Variants in PALD1 observed in about 807,000 individuals in gnomAD.
PALD1 encodes phosphatase domain containing paladin 1.
Under a neutral mutation model 96.0 loss-of-function variants are expected in PALD1, and 57 were observed. That is an observed-to-expected ratio of 0.59 (90% CI 0.48 to 0.74). PALD1 has a LOEUF of 0.74. Ranked by LOEUF, PALD1 falls within the 30% of genes least tolerant of loss-of-function variation. The pLI, the probability that PALD1 is intolerant of heterozygous loss-of-function variation, is 0.00. For synonymous variants in PALD1, 464 were observed against 473.6 expected, an observed-to-expected ratio of 0.98 and a Z score of 0.26; for missense variants, 1,063 against 1,143.7, an observed-to-expected ratio of 0.93 and a Z score of 1.02.
At chr10:70,547,269 A>C (rs1247283934) in intron 17 of PALD1, 37 bp from the exon 18 acceptor site, 4 of 1,606,644 alleles carry the variant, frequency 2.5e-6, no homozygotes, top group South Asian at 2.2e-5. Context: ...GGCTCTTACC[A>C]GTTTTATGTC....
intron 19 of PALD1, among the ~76,000 whole-genome samples, chr10:70,565,180 A>G (rs1295728487): frequency 6.6e-6 from 1 of 152,124 alleles, no homozygotes; most frequent in Non-Finnish European, 1.5e-5. Context: ...GAGCACAGAG[A>G]GGGTGGGTGA....
At chr10:70,525,530 T>G (rs1846839889) in intron 1 of PALD1, among the ~76,000 whole-genome samples, 1 of 152,120 alleles carries the variant, frequency 6.6e-6, no homozygotes, top group South Asian at 2.1e-4. Flanking sequence ...TCGGTGACAT[T>G]TCCTGCTTCT....
chr10:70,479,764 G>A (rs1227177524), intron 1 of PALD1, among the ~76,000 whole-genome samples: 1 of 152,206 alleles, frequency 6.6e-6, no homozygotes, highest in Non-Finnish European at 1.5e-5. Context: ...AGAGGCCCAG[G>A]AACCAACTCC....
the PALD1 span, among the ~76,000 whole-genome samples, chr10:70,460,480 C>CCCTGATT: frequency 4.6e-5 from 7 of 152,182 alleles, no homozygotes; most frequent in African/African-American, 7.2e-5. Context: ...GCAGCCAAGC[C>CCCTGATT]CCTGATTCCT....
At chr10:70,510,521 A>G (rs556832068) in intron 1 of PALD1, among the ~76,000 whole-genome samples, 28 of 152,278 alleles carry the variant, frequency 1.8e-4, no homozygotes, top group African/African-American at 6.7e-4. Flanking sequence ...CATGGAACCT[A>G]GAGATAGACA....
At chr10:70,514,885 A>G (rs1311399774) in intron 1 of PALD1, among the ~76,000 whole-genome samples, 1 of 152,176 alleles carries the variant, frequency 6.6e-6, no homozygotes. Context: ...CCCAACTTGG[A>G]AACTTATACA....
intron 1 of PALD1, among the ~76,000 whole-genome samples, chr10:70,495,953 G>T (rs910028690): frequency 2.0e-5 from 3 of 152,070 alleles, no homozygotes; most frequent in African/African-American, 7.2e-5. Context: ...CAAGGCTGCA[G>T]TGAGTCATGA....
intron 1 of PALD1, among the ~76,000 whole-genome samples, chr10:70,480,814 C>A (rs1871595): frequency 2.6e-5 from 4 of 152,124 alleles, no homozygotes; most frequent in South Asian, 4.1e-4. Flanking sequence ...GGGGATGCCC[C>A]GTGTGGGCAG....
At chr10:70,560,564 G>A (rs1016251725) in intron 18 of PALD1, among the ~76,000 whole-genome samples, 4 of 151,960 alleles carry the variant, frequency 2.6e-5, no homozygotes, top group South Asian at 2.1e-4. Flanking sequence ...TGACGCGCTC[G>A]GCCCGCAGGT....
rs760568990 is a variant in PALD1, at chr10:70,538,897, G to A, written c.1458G>A (p.Glu486=). The A allele has an allele frequency of 7.4e-6, 12 of 1,612,870 alleles. No individual in the cohort carries two copies. Among genetic ancestry groups the A allele is most frequent in the Non-Finnish European group, 1.0e-5 (12 of 1,179,542 alleles). The change falls in exon 13 of 20, where the codon GAG becomes GAA. Residue 486 remains glutamate, a synonymous_variant. Coordinates refer to ENST00000263563, the MANE Select transcript of PALD1 (RefSeq NM_014431.3). ...RDLIARGSLR[E]DDLVSPDALS... is the part of the protein sequence containing the mutation. ...GCTTGGTGCTCTCCCCACAGCGGGAGGACGATCTGGTCTCCCCGGACGCGC... is the reference window on the plus strand; with the variant it reads ...GCTTGGTGCTCTCCCCACAGCGGGAAGACGATCTGGTCTCCCCGGACGCGC...
At chr10:70,469,170 T>C in the PALD1 span, among the ~76,000 whole-genome samples, 1 of 152,146 alleles carries the variant, frequency 6.6e-6, no homozygotes, top group Non-Finnish European at 1.5e-5. Context: ...AAGGGTCAGA[T>C]TGGCCTATCA....
intron 1 of PALD1, among the ~76,000 whole-genome samples, chr10:70,491,456 C>T (rs1846097650): frequency 1.3e-5 from 2 of 151,878 alleles, no homozygotes; most frequent in African/African-American, 4.8e-5. Flanking sequence ...TTTCTTTGTG[C>T]TGTGTGTGAT....
At chr10:70,560,126 G>C (rs1229878997) in intron 18 of PALD1, among the ~76,000 whole-genome samples, 1 of 152,240 alleles carries the variant, frequency 6.6e-6, no homozygotes, top group Non-Finnish European at 1.5e-5. Flanking sequence ...TTAATTGAAA[G>C]GTTCAGCCTG....
chr10:70,556,043 C>A (rs2132433862), intron 18 of PALD1, among the ~76,000 whole-genome samples: 1 of 152,036 alleles, frequency 6.6e-6, no homozygotes, highest in South Asian at 2.1e-4. Context: ...AAGTTGTTCC[C>A]CAGAGACATG....
At chr10:70,515,354 G>T (rs1003982367) in intron 1 of PALD1, among the ~76,000 whole-genome samples, 1 of 152,224 alleles carries the variant, frequency 6.6e-6, no homozygotes, top group African/African-American at 2.4e-5. Context: ...AACCTATCCC[G>T]AATGGCTTAC....
chr10:70,498,762 A>G lies in PALD1; in HGVS notation c.-30+19703A>G, dbSNP rs896752941. ...GCTAACATGGTAAAACCCGGTTTCT[A>G]CTAAAAATACAAAAAATTAGCCAGA... On this transcript the variant is annotated intron_variant, in intron 1 of 19. Coordinates refer to ENST00000263563, the MANE Select transcript of PALD1 (RefSeq NM_014431.3). Among the ~76,000 whole-genome samples the G allele has an allele frequency of 2.0e-5, 3 of 152,092 alleles. No homozygotes were observed. In the South Asian group the frequency reaches 6.2e-4, roughly 32 times the overall value.
intron 1 of PALD1, among the ~76,000 whole-genome samples, chr10:70,519,392 C>T (rs931519069): frequency 6.6e-6 from 1 of 152,106 alleles, no homozygotes; most frequent in Non-Finnish European, 1.5e-5. Flanking sequence ...CCCACTTTTT[C>T]ATTGATCTTG....
rs777605729 is a variant in PALD1 at position 70,533,956 on chromosome 10, A to G, written c.905A>G (p.His302Arg). ...AGCCTGCTGCAGCTCCGTGATGCCCACGGGCCTCCCCCAGCCCTCGTCTTC... is the reference window on the plus strand; with the variant it reads ...AGCCTGCTGCAGCTCCGTGATGCCCGCGGGCCTCCCCCAGCCCTCGTCTTC... The part of the protein sequence containing the change: ...TPSLLQLRDA[H>R]GPPPALVFSC... Residue 302 changes from histidine to arginine, a missense_variant, in exon 8 of 20, where the codon CAC becomes CGC. His to Arg is a conservative substitution (Grantham distance 29, BLOSUM62 0). Transcript: ENST00000263563. 8 of 1,611,356 alleles carry G rather than the reference A, an allele frequency of 5.0e-6. No individual in the cohort carries two copies. The highest frequency in any genetic ancestry group is 2.2e-5 in the East Asian group (1 of 44,706).
At position 70,510,665 on chromosome 10, in the gene PALD1, CCTT is replaced by C. The variant is rs529808319; in HGVS notation, c.-29-15255_-29-15253del. On this transcript the variant is annotated intron_variant, in intron 1 of 19. Transcript: ENST00000263563. ...CAGGGTCCCTCCCATCCAGGTAACA[CCTT>C]CTCGCTTCCCAGGGACTTCCTTGTC... Among the ~76,000 whole-genome samples the C allele has an allele frequency of 2.9e-3, 447 of 152,304 alleles. 1 individual carries two copies. Among genetic ancestry groups the C allele is most frequent in the African/African-American group, 0.01 (426 of 41,556 alleles).
Sources: allele counts gnomAD v4.1 joint callset (sites outside exome capture counted in the v4.1 genomes callset), GRCh38; gene constraint gnomAD v4.1.1; transcripts MANE v1.5; gene names NCBI Gene and HGNC (gene_info 2026-07-23, HGNC 2026-07-21).